ATP2B2: variants seen among roughly 807,000 people sequenced by gnomAD.
ATP2B2 encodes the protein ATPase plasma membrane Ca2+ transporting 2.
Under a neutral mutation model 120.0 loss-of-function variants are expected in ATP2B2, and 15 were observed. The ratio of observed to expected loss-of-function variants is 0.12; its 90% confidence interval spans 0.08 to 0.19. The LOEUF is 0.19. ATP2B2 is among the 10% of genes least tolerant of loss of function. The pLI is 1.00. For synonymous variants in ATP2B2, 694 were observed against 700.3 expected, an observed-to-expected ratio of 0.99 and a Z score of 0.14; for missense variants, 1,045 against 1,719.8, an observed-to-expected ratio of 0.61 and a Z score of 6.94.
intron 2 of ATP2B2, among the ~76,000 whole-genome samples, chr3:10,617,431 C>T (rs987506301): frequency 6.6e-6 from 1 of 152,160 alleles, no homozygotes; most frequent in Non-Finnish European, 1.5e-5. Context: ...CAGCCATCCC[C>T]GGCTAAAATG....
At chr3:10,418,011 G>T (rs1239088303) in intron 2 of ATP2B2, among the ~76,000 whole-genome samples, 1 of 152,182 alleles carries the variant, frequency 6.6e-6, no homozygotes, top group Non-Finnish European at 1.5e-5. Flanking sequence ...GCCACATGGG[G>T]TCAGGCTTAC....
intron 3 of ATP2B2, among the ~76,000 whole-genome samples, chr3:10,513,540 C>A (rs1404790165): frequency 6.6e-6 from 1 of 152,120 alleles, no homozygotes; most frequent in Non-Finnish European, 1.5e-5. Flanking sequence ...GTAACAGCAT[C>A]TGCAATGCGG....
chr3:10,442,709 T>C (rs533881643), intron 2 of ATP2B2, among the ~76,000 whole-genome samples: 5 of 152,216 alleles, frequency 3.3e-5, no homozygotes, highest in African/African-American at 1.2e-4. Context: ...CTCAAGCCCA[T>C]TGATCTACCA....
chr3:10,555,659 C>T (rs1401535395), intron 2 of ATP2B2, among the ~76,000 whole-genome samples: 2 of 152,200 alleles, frequency 1.3e-5, no homozygotes, highest in African/African-American at 4.8e-5. Flanking sequence ...TGTCTCTTCC[C>T]CTGTTGAATG....
chr3:10,542,463 A>G (rs548253317), intron 2 of ATP2B2, among the ~76,000 whole-genome samples: 2 of 152,310 alleles, frequency 1.3e-5, no homozygotes, highest in Admixed American at 1.3e-4. Context: ...ATGTCCCAAG[A>G]ATTCTTTTTA....
intron 2 of ATP2B2, among the ~76,000 whole-genome samples, chr3:10,411,562 G>A (rs1027250555): frequency 1.3e-5 from 2 of 152,194 alleles, no homozygotes; most frequent in Non-Finnish European, 2.9e-5. Context: ...GATGGCCCTC[G>A]CTCTCTGAGC....
chr3:10,686,043 C>CTTTTTTTTTTTTTTTTTTTT (rs34073958), intron 1 of ATP2B2, among the ~76,000 whole-genome samples: 9 of 93,210 alleles, frequency 9.7e-5, no homozygotes, highest in African/African-American at 3.7e-4. Flanking sequence ...TTCCTCCTTT[C>CTTTTTTTTTTTTTTTTTTTT]TTTTTTTTTT....
chr3:10,468,743 T>G (rs1378095943), intron 1 of ATP2B2, among the ~76,000 whole-genome samples: 1 of 152,172 alleles, frequency 6.6e-6, no homozygotes, highest in Non-Finnish European at 1.5e-5. Flanking sequence ...AGGAGTGAAA[T>G]GAAAGGCAGG....
intron 1 of ATP2B2, among the ~76,000 whole-genome samples, chr3:10,674,887 C>T (rs553957240): frequency 7.9e-5 from 12 of 152,348 alleles, no homozygotes; most frequent in African/African-American, 2.6e-4. Flanking sequence ...CAAATTCCCC[C>T]AGTTGTGCTG....
intron 1 of ATP2B2, among the ~76,000 whole-genome samples, chr3:10,628,544 C>T (rs116526166): frequency 2.3e-3 from 352 of 152,362 alleles, no homozygotes; most frequent in African/African-American, 7.8e-3. Flanking sequence ...CAGGCCTCAA[C>T]GCAGGACATG....
chr3:10,654,381 G>T (rs2070553833), intron 1 of ATP2B2, among the ~76,000 whole-genome samples: 1 of 152,146 alleles, frequency 6.6e-6, no homozygotes, highest in Non-Finnish European at 1.5e-5. Context: ...ATAAATATTT[G>T]CTCAATTAGT....
In ATP2B2 at chr3:10,482,490, G is replaced by A. The variant is rs1433321138; in HGVS notation, c.-320+22975C>T. Among the ~76,000 whole-genome samples the A allele has an allele frequency of 2.0e-5, 3 of 152,226 alleles. No individual in the cohort carries two copies. In the East Asian group the frequency reaches 5.8e-4, roughly 29 times the overall value. ...CCTGGGTGTGTGAGCAATGGCCTAA[G>A]GCAGCCCTTTCCTGGCCAGGCTGAT... On this transcript the variant is annotated intron_variant, in intron 1 of 22. Coordinates refer to ENST00000360273, the MANE Select transcript of ATP2B2 (RefSeq NM_001001331.4).
chr3:10,493,430 A>G (rs540961370), intron 1 of ATP2B2, among the ~76,000 whole-genome samples: 2 of 152,266 alleles, frequency 1.3e-5, no homozygotes, highest in Non-Finnish European at 1.5e-5. Flanking sequence ...GTACAGAAAG[A>G]AGGGCAGTAA....
intron 2 of ATP2B2, among the ~76,000 whole-genome samples, chr3:10,589,165 G>A (rs1241627784): frequency 2.0e-5 from 3 of 152,172 alleles, no homozygotes; most frequent in Admixed American, 6.5e-5. Flanking sequence ...GCAACACATG[G>A]CCTGGTCCTC....
chr3:10,380,071 G>T (rs910730036), intron 8 of ATP2B2, among the ~76,000 whole-genome samples: 2 of 152,226 alleles, frequency 1.3e-5, no homozygotes, highest in East Asian at 1.9e-4. Flanking sequence ...CTTGGTAGGG[G>T]TATGGCTCAG....
At chr3:10,345,628 T>TA in intron 17 of ATP2B2, 53 bp from the exon 18 acceptor site, 1 of 1,550,112 alleles carries the variant, frequency 6.5e-7, no homozygotes, top group East Asian at 2.3e-5. Context: ...AGGTGACCAC[T>TA]TCTAGCATCA....
intron 1 of ATP2B2, among the ~76,000 whole-genome samples, chr3:10,643,275 G>C (rs1006467506): frequency 6.6e-6 from 1 of 152,184 alleles, no homozygotes; most frequent in African/African-American, 2.4e-5. Context: ...GGATCCATGG[G>C]AGAGAACGGA....
intron 11 of ATP2B2, among the ~76,000 whole-genome samples, chr3:10,372,943 G>A (rs1437615543): frequency 1.3e-5 from 2 of 152,174 alleles, no homozygotes; most frequent in Non-Finnish European, 2.9e-5. Flanking sequence ...TCTAGGCTGT[G>A]CCTAGGAATT....
chr3:10,566,875 T>C (rs535334773), intron 2 of ATP2B2, among the ~76,000 whole-genome samples: 26 of 152,336 alleles, frequency 1.7e-4, no homozygotes, highest in Non-Finnish European at 3.2e-4. Context: ...TCAGGATATA[T>C]TAGTGGGTTA....
Sources: gnomAD v4.1 joint callset for allele counts (sites outside exome capture counted in the v4.1 genomes callset) on GRCh38, gnomAD v4.1.1 for gene constraint, MANE v1.5 for transcripts, NCBI Gene and HGNC (gene_info 2026-07-23, HGNC 2026-07-21) for gene names.